MYLK4: variants seen among roughly 807,000 people sequenced by gnomAD.
MYLK4 encodes caMLCK like.
In MYLK4, 46 loss-of-function variants were observed where a neutral mutation model predicts 48.1. The observed-to-expected ratio is 0.96, with a 90% CI of 0.75 to 1.22. The LOEUF (loss-of-function observed/expected upper bound fraction) is 1.22, where lower values mean the gene tolerates loss of function less well. Ranked by LOEUF, MYLK4 falls within the 50% of genes most tolerant of loss-of-function variation. The pLI, the probability that MYLK4 is intolerant of heterozygous loss-of-function variation, is 0.00. For synonymous variants in MYLK4, 170 were observed against 180.8 expected, an observed-to-expected ratio of 0.94 and a Z score of 0.48; for missense variants, 451 against 486.1, an observed-to-expected ratio of 0.93 and a Z score of 0.68.
intron 2 of MYLK4, among the ~76,000 whole-genome samples, chr6:2,709,237 G>A (rs573891306): frequency 7.9e-5 from 12 of 152,310 alleles, no homozygotes; most frequent in African/African-American, 2.9e-4. Flanking sequence ...ACGATGAGCA[G>A]ATCTTAACAT....
At chr6:2,766,185 A>T in the MYLK4 span, 2 of 1,384,194 alleles carry the variant, frequency 1.4e-6, no homozygotes, top group Non-Finnish European at 1.9e-6. Context: ...GACCCGGGGC[A>T]CTGGGACGCG....
chr6:2,668,147 T>C (rs1760734721), intron 12 of MYLK4, among the ~76,000 whole-genome samples: 1 of 151,992 alleles, frequency 6.6e-6, no homozygotes, highest in Non-Finnish European at 1.5e-5. Context: ...GTTCAAGGGG[T>C]ACATGTGCAG....
chr6:2,686,083 G>GAAGA (rs148638836), intron 4 of MYLK4, among the ~76,000 whole-genome samples: 2 of 130,538 alleles, frequency 1.5e-5, no homozygotes. Flanking sequence ...AAAAAAAAAA[G>GAAGA]AAGAAAGAAA....
chr6:2,682,953 A>G, intron 7 of MYLK4, 68 bp downstream of exon 7: 1 of 1,571,256 alleles, frequency 6.4e-7, no homozygotes, highest in South Asian at 1.1e-5. Flanking sequence ...GGCATATAAT[A>G]GCAGACAGGG....
Position 2,685,557 on chromosome 6 carries a change from G to C in MYLK4, c.361C>G (p.His121Asp). 6.2e-7 allele frequency: 1 copy of C among 1,614,168 alleles called. No individual in the cohort carries two copies. Among genetic ancestry groups the C allele is most frequent in the Non-Finnish European group, 8.5e-7 (1 of 1,180,028 alleles). The change falls in exon 5 of 13, where the codon CAC becomes GAC. Residue 121 changes from histidine (H) to aspartate (D), a missense_variant. Physicochemically the swap from His to Asp is moderately conservative, Grantham distance 81. Transcript: ENST00000274643. This position sits in a 1 kb window ranked among gnomAD's most constrained non-coding sequence, Gnocchi z 4.5. The stretch of plus-strand genomic sequence containing the variant: ...CCTGTGGCCGTCTCCTCACACTTGT[G>C]AACCTGGCCGAAACGCCCTCTGCCA... Reference protein sequence around the residue: ...ILGGGRFGQVHKCEETATGLK... With the variant: ...ILGGGRFGQVDKCEETATGLK...
chr6:2,754,408 A>G (rs1764373563), upstream of MYLK4, among the ~76,000 whole-genome samples: 1 of 150,020 alleles, frequency 6.7e-6, no homozygotes, highest in African/African-American at 2.4e-5. Context: ...GTGCTAATTG[A>G]AAAAAAAAAG....
In MYLK4 at chr6:2,683,182, G is replaced by A. The variant is rs377724100; in HGVS notation, c.546-20C>T. 9 of 1,613,778 alleles carry A rather than the reference G, an allele frequency of 5.6e-6. No homozygotes were observed. The highest frequency in any genetic ancestry group is 7.6e-6 in the Non-Finnish European group (9 of 1,179,868). On this transcript the variant is annotated intron_variant, in intron 6 of 12. Transcript: ENST00000274643. ...TCCACACTGCAGAGGGAAGAGGACT[G>A]AAACCCTCAGTCCCGATTTCCTTAC...
chr6:2,748,595 G>A (rs1764180718), intron 2 of MYLK4, among the ~76,000 whole-genome samples: 1 of 152,202 alleles, frequency 6.6e-6, no homozygotes, highest in Non-Finnish European at 1.5e-5. Context: ...GATGTGGCAA[G>A]CCCTTGGTTA....
chr6:2,673,840 G>C lies in MYLK4; in HGVS notation c.1119+1207C>G, dbSNP rs1760989329. 6.6e-6 allele frequency among the ~76,000 whole-genome samples: 1 copy of C among 152,260 alleles called. No individual in the cohort carries two copies. Among genetic ancestry groups the C allele is most frequent in the Non-Finnish European group, 1.5e-5 (1 of 68,050 alleles). ...AGGCCACGGTCACCATGGGAATGGA[G>C]AGAAACAGACAGCTTCCAGAGGTAA... On this transcript the variant is annotated intron_variant, in intron 11 of 12. Coordinates refer to ENST00000274643, the MANE Select transcript of MYLK4 (RefSeq NM_001012418.5). This position sits in a 1 kb window ranked among gnomAD's most constrained non-coding sequence, Gnocchi z 4.2.
chr6:2,770,258 A>G, the MYLK4 span: 40 of 1,614,180 alleles, frequency 2.5e-5, no homozygotes, highest in South Asian at 4.4e-5. Context: ...AGTAGAGGCA[A>G]TGGTGACTAT....
the MYLK4 span, chr6:2,765,937 C>T: frequency 6.9e-6 from 10 of 1,443,188 alleles, no homozygotes; most frequent in East Asian, 3.0e-5. Context: ...GCGGCGAGAC[C>T]GAGAGCCGCG....
chr6:2,746,223 C>T (rs6933540), intron 2 of MYLK4, among the ~76,000 whole-genome samples: 3,859 of 151,684 alleles, frequency 0.025, 81 homozygotes, highest in South Asian at 0.062. Context: ...GCTGAGATCG[C>T]ACCACTGCAC....
intron 2 of MYLK4, among the ~76,000 whole-genome samples, chr6:2,740,993 G>C (rs1275346442): frequency 6.6e-6 from 1 of 152,164 alleles, no homozygotes; most frequent in African/African-American, 2.4e-5. Flanking sequence ...GTAACAAACC[G>C]TTTTTAAAAC....
intron 2 of MYLK4, among the ~76,000 whole-genome samples, chr6:2,703,673 T>TTTTTTTG: frequency 9.3e-6 from 1 of 107,570 alleles, no homozygotes; most frequent in African/African-American, 3.5e-5. Flanking sequence ...TTCTTTTTTT[T>TTTTTTTG]TTTTTTTTTT....
the MYLK4 span, among the ~76,000 whole-genome samples, chr6:2,757,605 T>TAAA: frequency 1.4e-5 from 2 of 141,056 alleles, no homozygotes; most frequent in Admixed American, 7.0e-5. Flanking sequence ...GATACTTCCA[T>TAAA]AAAAAAAAAA....
the MYLK4 span, chr6:2,766,469 C>G: frequency 6.7e-7 from 1 of 1,482,220 alleles, no homozygotes; most frequent in African/African-American, 1.4e-5. Context: ...GGCCGTTGGG[C>G]TTCCGTAGTT....
chr6:2,753,501 C>T (rs560137936), upstream of MYLK4, among the ~76,000 whole-genome samples: 12 of 152,192 alleles, frequency 7.9e-5, no homozygotes, highest in African/African-American at 2.2e-4. Flanking sequence ...CCCATAAAAA[C>T]GAAGATTGAT....
intron 2 of MYLK4, among the ~76,000 whole-genome samples, chr6:2,730,039 C>T (rs1763420070): frequency 6.6e-6 from 1 of 152,204 alleles, no homozygotes; most frequent in African/African-American, 2.4e-5. Context: ...GATAAAATGT[C>T]AGTGGTTCGA....
At position 2,675,092 on chromosome 6, in the gene MYLK4, G is replaced by A; in HGVS notation, c.1074C>T (p.His358=). 1 of 1,614,094 alleles carries A rather than the reference G, an allele frequency of 6.2e-7. No homozygotes were observed. ...GGAGCTTGTGGTCTGACAACCAGGG[G>A]TGCTTGAGAGCTTCGCTTGCACTTA... ...WRISASEALK[H]PWLSDHKLHS... is the part of the protein sequence containing the mutation. The change falls in exon 11 of 13, where the codon CAC becomes CAT. Residue 358 remains histidine (H), a synonymous_variant. Transcript: ENST00000274643.
Sources: allele counts gnomAD v4.1 joint callset (sites outside exome capture counted in the v4.1 genomes callset), GRCh38; gene constraint gnomAD v4.1.1; non-coding constraint Gnocchi (gnomAD v3.1); transcripts MANE v1.5; gene names NCBI Gene and HGNC (gene_info 2026-07-23, HGNC 2026-07-21).